Variants in RUFY2 observed in about 807,000 individuals in gnomAD.
RUFY2 encodes RUN and FYVE domain containing 2, also known as RUN and FYVE domain-containing protein 2.
A neutral mutation model predicts 94.4 loss-of-function variants in RUFY2; 49 were observed. That is an observed-to-expected ratio of 0.52 (90% CI 0.41 to 0.66). The LOEUF (loss-of-function observed/expected upper bound fraction) is 0.66, where lower values mean the gene tolerates loss of function less well. Ranked by LOEUF, RUFY2 falls within the 30% of genes least tolerant of loss-of-function variation. The pLI is 0.00. For synonymous variants in RUFY2, 255 were observed against 235.7 expected (o/e 1.08, Z -0.75); for missense variants, 541 against 692.8 (o/e 0.78, Z 2.46).
chr10:68,347,538 C>A (rs2046373902), intron 16 of RUFY2, among the ~76,000 whole-genome samples: 1 of 152,086 alleles, frequency 6.6e-6, no homozygotes, highest in African/African-American at 2.4e-5. Flanking sequence ...CCCACTTCGG[C>A]CTCCCAAAGT....
At chr10:68,343,378 A>G (rs2046084209), downstream of RUFY2, 1 of 152,526 alleles carries the variant, frequency 6.6e-6, no homozygotes, top group Non-Finnish European at 1.5e-5. Context: ...TTAATGAGCA[A>G]TTTAAATATT....
chr10:68,378,723 C>A, intron 12 of RUFY2: 12 of 1,367,712 alleles, frequency 8.8e-6, no homozygotes, highest in South Asian at 1.3e-5. Flanking sequence ...ATAAAAATGT[C>A]CAAAATGTAA....
chr10:68,347,545 A>G (rs2046374525), intron 16 of RUFY2, among the ~76,000 whole-genome samples: 1 of 152,016 alleles, frequency 6.6e-6, no homozygotes, highest in Non-Finnish European at 1.5e-5. Flanking sequence ...CGGCCTCCCA[A>G]AGTGCTGGGA....
At chr10:68,400,393 C>T (rs989645523) in intron 3 of RUFY2, among the ~76,000 whole-genome samples, 7 of 151,910 alleles carry the variant, frequency 4.6e-5, no homozygotes, top group Non-Finnish European at 1.0e-4. Flanking sequence ...AATATAAGAA[C>T]TGGTCAGGCA....
intron 11 of RUFY2, 70 bp from the exon 12 acceptor site, chr10:68,379,591 G>A (rs2048893789): frequency 8.9e-6 from 10 of 1,119,974 alleles, no homozygotes; most frequent in Admixed American, 2.2e-5. Context: ...GTGTGTGTGC[G>A]TGTTTTTAAT....
intron 10 of RUFY2, among the ~76,000 whole-genome samples, chr10:68,382,557 A>T (rs2049148044): frequency 6.6e-6 from 1 of 151,336 alleles, no homozygotes; most frequent in Non-Finnish European, 1.5e-5. Flanking sequence ...TACTAAAAAT[A>T]CAAAAAATTA....
intron 15 of RUFY2, among the ~76,000 whole-genome samples, chr10:68,355,962 CATGACA>C (rs1036871283): frequency 6.6e-6 from 1 of 151,118 alleles, no homozygotes; most frequent in African/African-American, 2.4e-5. Flanking sequence ...TTCATGTGAT[CATGACA>C]ATATTTATAG....
chr10:68,352,568 A>C (rs1386795867), intron 16 of RUFY2, among the ~76,000 whole-genome samples: 1 of 152,238 alleles, frequency 6.6e-6, no homozygotes. Context: ...TTTATCAAGA[A>C]GCTTTTTTAA....
chr10:68,362,283 G>A, intron 15 of RUFY2, among the ~76,000 whole-genome samples: 1 of 152,158 alleles, frequency 6.6e-6, no homozygotes, highest in East Asian at 1.9e-4. Context: ...AGCTGTGCCT[G>A]CGTCACTGTT....
Position 68,386,089 on chromosome 10 carries a change from T to C in RUFY2, c.690A>G (p.Leu230=). Residue 230 remains leucine, a synonymous_variant, in exon 8 of 18, where the codon TTA becomes TTG. Coordinates refer to ENST00000602465, the MANE Select transcript of RUFY2 (RefSeq NM_001330103.2). ...CAATCAGCTTAGTATTTGACTTTTC[T>C]AATGAATCAACTCTTGAATGGAGGC... ...VSSLHSRVDS[L]EKSNTKLIEE... is the part of the protein sequence containing the mutation. 3 of 1,612,858 alleles carry C rather than the reference T, an allele frequency of 1.9e-6. No homozygotes were observed. Among genetic ancestry groups the C allele is most frequent in the Non-Finnish European group, 2.5e-6 (3 of 1,179,358 alleles).
At chr10:68,341,348 C>T (rs373068500), downstream of RUFY2, 128 of 1,571,986 alleles carry the variant, frequency 8.1e-5, no homozygotes, top group Admixed American at 1.3e-4. Flanking sequence ...ATTTCCTAAA[C>T]GTGAATTTAT....
chr10:68,403,130 G>C (rs1156778907), intron 2 of RUFY2, among the ~76,000 whole-genome samples: 1 of 148,596 alleles, frequency 6.7e-6, no homozygotes, highest in Non-Finnish European at 1.5e-5. Context: ...ACAGACATGA[G>C]CCATCGCACC....
intron 2 of RUFY2, among the ~76,000 whole-genome samples, chr10:68,403,452 T>G (rs2133250578): frequency 1.3e-5 from 2 of 152,224 alleles, no homozygotes; most frequent in East Asian, 3.9e-4. Context: ...GTTTTCACCA[T>G]GCTGGCCAGG....
At chr10:68,354,442 C>T (rs1288009546) in intron 16 of RUFY2, among the ~76,000 whole-genome samples, 1 of 152,138 alleles carries the variant, frequency 6.6e-6, no homozygotes, top group African/African-American at 2.4e-5. Flanking sequence ...TCCCAAAGTG[C>T]TATGAACCAC....
At chr10:68,360,892 C>T (rs1035566073) in intron 15 of RUFY2, among the ~76,000 whole-genome samples, 4 of 102,128 alleles carry the variant, frequency 3.9e-5, no homozygotes, top group African/African-American at 1.6e-4. Context: ...AGTGAGACCC[C>T]GTCTCAAATA....
At chr10:68,355,938 G>T (rs943966588) in intron 15 of RUFY2, among the ~76,000 whole-genome samples, 9 of 149,634 alleles carry the variant, frequency 6.0e-5, no homozygotes, top group African/African-American at 2.2e-4. Flanking sequence ...AGAAAAAAAA[G>T]AAATATTGGC....
At chr10:68,377,839 A>G (rs1227504363) in intron 12 of RUFY2, 1 of 985,262 alleles carries the variant, frequency 1.0e-6, no homozygotes, top group East Asian at 1.1e-4. Context: ...AACTAACTAA[A>G]AAACTCTTCC....
intron 13 of RUFY2, among the ~76,000 whole-genome samples, 153 bp from the exon 14 acceptor site, chr10:68,364,266 A>C (rs554127077): frequency 6.6e-6 from 1 of 152,346 alleles, no homozygotes; most frequent in Non-Finnish European, 1.5e-5. Flanking sequence ...TTCAGTAAAC[A>C]AGTTCAGCAG....
In RUFY2 at chr10:68,379,537, A is replaced by G. The variant is rs190947058; in HGVS notation, c.1108-16T>C. 6.4e-5 allele frequency: 100 copies of G among 1,571,160 alleles called. No individual in the cohort carries two copies. In the East Asian group the frequency reaches 2.1e-3, roughly 33 times the overall value. On this transcript the variant is annotated splice_polypyrimidine_tract_variant and intron_variant, in intron 11 of 17. Transcript: ENST00000602465. Reference sequence around the variant, plus strand: ...CTTCAGAACCCTATTTATAAAAACAAAAGCTATGGTGGTTTTGATTTGTGT... The same window carrying G: ...CTTCAGAACCCTATTTATAAAAACAGAAGCTATGGTGGTTTTGATTTGTGT...
Sources: allele counts gnomAD v4.1 joint callset (sites outside exome capture counted in the v4.1 genomes callset), GRCh38; gene constraint gnomAD v4.1.1; transcripts MANE v1.5; gene names NCBI Gene and HGNC (gene_info 2026-07-23, HGNC 2026-07-21).